Variants in PRR5 observed in about 807,000 individuals in gnomAD.
PRR5 encodes the protein proline-rich protein 5.
In PRR5, 25 loss-of-function variants were observed where a neutral mutation model predicts 30.6. That is an observed-to-expected ratio of 0.82 (90% CI 0.60 to 1.14). The LOEUF (loss-of-function observed/expected upper bound fraction) is 1.14. Ranked by LOEUF, PRR5 falls within the 50% of genes most tolerant of loss-of-function variation. PRR5 has a pLI of 0.00. For missense variants in PRR5, 600 were observed against 547.1 expected, an observed-to-expected ratio of 1.10 and a Z score of -0.96; for synonymous variants, 286 against 247.1, an observed-to-expected ratio of 1.16 and a Z score of -1.48.
chr22:44,731,003 C>T (rs1341918433), intron 4 of PRR5: 1 of 399,762 alleles, frequency 2.5e-6, no homozygotes, highest in Non-Finnish European at 5.2e-6. Flanking sequence ...CGCCAGCACA[C>T]AGTAGGTGTT....
chr22:44,719,285 G>A (rs1242328867), intron 2 of PRR5, among the ~76,000 whole-genome samples: 1 of 151,808 alleles, frequency 6.6e-6, no homozygotes, highest in African/African-American at 2.4e-5. Context: ...GTCTTGCTCT[G>A]TTGCCCAAGC....
intron 1 of PRR5, among the ~76,000 whole-genome samples, chr22:44,710,526 C>T (rs1016616023): frequency 6.6e-6 from 1 of 152,304 alleles, no homozygotes; most frequent in Admixed American, 6.5e-5. Flanking sequence ...TTTGCAGGGC[C>T]CAGAGGGGCA....
chr22:44,686,283 T>G (rs1924744223), intron 1 of PRR5, among the ~76,000 whole-genome samples: 1 of 151,864 alleles, frequency 6.6e-6, no homozygotes, highest in Non-Finnish European at 1.5e-5. Context: ...GTTCCCCTAT[T>G]GGGCACCTGG....
At position 44,726,557 on chromosome 22, in the gene PRR5, C is replaced by G. The variant is rs369434846; in HGVS notation, c.265-20C>G. On this transcript the variant is annotated intron_variant, in intron 3 of 7. Transcript: ENST00000336985. ...GGGCATCCACAAGGGCGGTGACAGC[C>G]CCTCTGTGTTTACCTTCAGAACCAG... The G allele has an allele frequency of 5.0e-6, 8 of 1,613,872 alleles. No individual in the cohort carries two copies. Among genetic ancestry groups the G allele is most frequent in the Non-Finnish European group, 6.8e-6 (8 of 1,180,032 alleles).
chr22:44,702,818 C>T (rs1327780452), intron 1 of PRR5, among the ~76,000 whole-genome samples: 4 of 152,042 alleles, frequency 2.6e-5, no homozygotes, highest in Non-Finnish European at 4.4e-5. Flanking sequence ...GGGAAGGGAG[C>T]GAGGCCCGCC....
In PRR5 at chr22:44,732,331, G is replaced by A. The variant is rs769702913; in HGVS notation, c.495G>A (p.Ala165=). ...CCCTCAGTGTGAAGCTAGAGGATGC[G>A]CTGGCCCGGGCCCATGCCCGTGTGC... ...AITLSVKLED[A]LARAHARVPP... Residue 165 remains alanine, a synonymous_variant, in exon 6 of 8, where the codon GCG becomes GCA. Transcript: ENST00000336985. 2.8e-5 allele frequency: 45 copies of A among 1,612,072 alleles called. No homozygotes were observed. The highest frequency in any genetic ancestry group is 4.5e-5 in the East Asian group (2 of 44,878).
chr22:44,686,314 A>G (rs1924747331), intron 1 of PRR5, among the ~76,000 whole-genome samples: 1 of 151,076 alleles, frequency 6.6e-6, no homozygotes, highest in Admixed American at 6.6e-5. Flanking sequence ...ATCTTGTTCT[A>G]TTCTTGTGTT....
chr22:44,735,217 A>G (rs956112957), intron 7 of PRR5, 55 bp downstream of exon 7: 3 of 1,549,980 alleles, frequency 1.9e-6, no homozygotes, highest in African/African-American at 1.4e-5. Flanking sequence ...GGCCCCATCC[A>G]TTGTGAACAA....
intron 2 of PRR5, among the ~76,000 whole-genome samples, chr22:44,715,241 G>T (rs1928882543): frequency 1.3e-5 from 2 of 152,164 alleles, no homozygotes; most frequent in Non-Finnish European, 2.9e-5. Flanking sequence ...AGTGGAGGAG[G>T]CCAAAGCTCA....
Position 44,731,704 on chromosome 22 carries a change from A to G in PRR5, c.323-26A>G, listed in dbSNP as rs762436287. 4 of 1,610,604 alleles carry G rather than the reference A, an allele frequency of 2.5e-6. No homozygotes were observed. The South Asian group carries it at 4.4e-5, about 18-fold the overall frequency. ...GCATCTGCCCGCGCCAGTCAGGCCC[A>G]GTGGTGATGGCCCCCATGCCCACAG... is the stretch of plus-strand genomic sequence containing the variant. On this transcript the variant is annotated intron_variant, in intron 4 of 7. Transcript: ENST00000336985.
chr22:44,685,760 A>G (rs1924692982), intron 1 of PRR5, among the ~76,000 whole-genome samples: 1 of 152,254 alleles, frequency 6.6e-6, no homozygotes, highest in South Asian at 2.1e-4. Flanking sequence ...GAACTTCTAC[A>G]CAGAATCCCA....
chr22:44,711,640 G>A (rs1281791169), intron 1 of PRR5, among the ~76,000 whole-genome samples: 1 of 152,168 alleles, frequency 6.6e-6, no homozygotes, highest in Non-Finnish European at 1.5e-5. Flanking sequence ...TGGCTACACC[G>A]CTGCACTGTC....
At chr22:44,722,026 G>A (rs543688547) in intron 2 of PRR5, among the ~76,000 whole-genome samples, 5 of 152,348 alleles carry the variant, frequency 3.3e-5, no homozygotes, top group African/African-American at 1.2e-4. Flanking sequence ...GCGGACCAGA[G>A]GACAGGTCAC....
chr22:44,674,761 A>G (rs926155407), upstream of PRR5, among the ~76,000 whole-genome samples: 1 of 151,576 alleles, frequency 6.6e-6, no homozygotes, highest in Admixed American at 6.6e-5. Context: ...CCTGGCCAAC[A>G]TGGTGAAACC....
At chr22:44,732,996 G>A (rs544921382) in intron 6 of PRR5, among the ~76,000 whole-genome samples, 46 of 141,188 alleles carry the variant, frequency 3.3e-4, no homozygotes, top group East Asian at 2.6e-3. Flanking sequence ...ACATGTGCGC[G>A]CACACATACT....
intron 1 of PRR5, among the ~76,000 whole-genome samples, chr22:44,682,752 C>A (rs1924411696): frequency 6.6e-6 from 1 of 152,186 alleles, no homozygotes; most frequent in Non-Finnish European, 1.5e-5. Context: ...AGCTGAGTAG[C>A]TGCTAAGCCA....
At chr22:44,712,221 C>A (rs1431511471) in intron 1 of PRR5, among the ~76,000 whole-genome samples, 2 of 152,160 alleles carry the variant, frequency 1.3e-5, no homozygotes, top group Non-Finnish European at 1.5e-5. Context: ...GACTAAGGAG[C>A]ATTCCGGTGC....
chr22:44,674,809 G>A (rs1923628371), upstream of PRR5, among the ~76,000 whole-genome samples: 1 of 152,176 alleles, frequency 6.6e-6, no homozygotes, highest in African/African-American at 2.4e-5. Context: ...AGCCGGGCAT[G>A]GTGGCATACA....
At chr22:44,730,077 C>T in intron 4 of PRR5, 3 of 985,438 alleles carry the variant, frequency 3.0e-6, no homozygotes, top group Non-Finnish European at 3.6e-6. Context: ...GGGACCCAGT[C>T]CAGCTCGGCC....
Sources: allele counts gnomAD v4.1 joint callset (sites outside exome capture counted in the v4.1 genomes callset), GRCh38; gene constraint gnomAD v4.1.1; transcripts MANE v1.5; gene names NCBI Gene and HGNC (gene_info 2026-07-23, HGNC 2026-07-21).